The following KCNT2 variants were observed in gnomAD, a reference collection of about 807,000 sequenced individuals.
KCNT2 encodes the protein potassium channel subfamily T member 2.
In KCNT2, 67 loss-of-function variants were observed where a neutral mutation model predicts 153.8. The observed-to-expected ratio is 0.44, with a 90% confidence interval of 0.36 to 0.53. The LOEUF (loss-of-function observed/expected upper bound fraction) is 0.53. Among genes scored for constraint, KCNT2 ranks in the 20% least tolerant of loss-of-function variants. The pLI, the probability that KCNT2 is intolerant of heterozygous loss-of-function variation, is 0.00. For missense variants in KCNT2, 975 were observed against 1,354.8 expected (o/e 0.72, Z 4.40); for synonymous variants, 500 against 458.8 (o/e 1.09, Z -1.15).
chr1:196,519,336 A>G (rs1653037165), intron 1 of KCNT2, among the ~76,000 whole-genome samples: 1 of 152,088 alleles, frequency 6.6e-6, no homozygotes, highest in African/African-American at 2.4e-5. Flanking sequence ...CGCTGATATC[A>G]AAAGTTAGAA....
At chr1:196,520,668 G>T (rs1015471593) in intron 1 of KCNT2, among the ~76,000 whole-genome samples, 2 of 152,000 alleles carry the variant, frequency 1.3e-5, no homozygotes, top group African/African-American at 4.8e-5. Flanking sequence ...TCTGATCTTT[G>T]ACAAAGCTGA....
intron 1 of KCNT2, among the ~76,000 whole-genome samples, chr1:196,500,485 A>C (rs951297449): frequency 6.6e-6 from 1 of 152,194 alleles, no homozygotes; most frequent in Non-Finnish European, 1.5e-5. Flanking sequence ...GAATTCTAGA[A>C]CATTTGTAAA....
At chr1:196,520,031 A>C (rs1411114660) in intron 1 of KCNT2, among the ~76,000 whole-genome samples, 1 of 152,110 alleles carries the variant, frequency 6.6e-6, no homozygotes, top group Non-Finnish European at 1.5e-5. Flanking sequence ...CAATATCCTC[A>C]ATGAACATGT....
Position 196,563,688 on chromosome 1 carries a change from A to G in KCNT2, c.95+44527T>C, listed in dbSNP as rs1251472501. The stretch of plus-strand genomic sequence containing the variant: ...TACCATAACCAAGCGGTATTTATCC[A>G]TTTAACGCAACAATTATTCAACATA... On this transcript the variant is annotated intron_variant, in intron 1 of 27. Coordinates refer to ENST00000294725, the MANE Select transcript of KCNT2 (RefSeq NM_198503.5). 1.1e-4 allele frequency among the ~76,000 whole-genome samples: 17 copies of G among 151,934 alleles called. 1 individual carries two copies. The highest frequency in any genetic ancestry group is 2.9e-5 in the Non-Finnish European group (2 of 67,908).
intron 25 of KCNT2, among the ~76,000 whole-genome samples, chr1:196,263,255 A>G (rs983526149): frequency 3.9e-5 from 6 of 151,982 alleles, no homozygotes; most frequent in Non-Finnish European, 8.8e-5. Context: ...TACATATGCC[A>G]TGATGGTTTT....
intron 13 of KCNT2, among the ~76,000 whole-genome samples, chr1:196,387,174 A>G (rs1467253335): frequency 1.3e-5 from 2 of 152,022 alleles, no homozygotes; most frequent in Non-Finnish European, 2.9e-5. Flanking sequence ...TCTTCTACCT[A>G]CTACTATATA....
chr1:196,498,964 T>C (rs1680464266), intron 1 of KCNT2, among the ~76,000 whole-genome samples: 1 of 152,214 alleles, frequency 6.6e-6, no homozygotes, highest in Admixed American at 6.5e-5. Context: ...TCATTGCAGA[T>C]ATAATTAGTT....
At chr1:196,431,521 T>G (rs1021277850) in intron 8 of KCNT2, among the ~76,000 whole-genome samples, 7 of 152,088 alleles carry the variant, frequency 4.6e-5, no homozygotes, top group African/African-American at 1.7e-4. Context: ...GATGAGTTCT[T>G]AGACAGAAAT....
chr1:196,523,098 C>T (rs770016562), intron 1 of KCNT2, among the ~76,000 whole-genome samples: 2 of 152,318 alleles, frequency 1.3e-5, no homozygotes, highest in African/African-American at 2.4e-5. Context: ...AGGCCTGCAG[C>T]TTCACTCCTG....
At chr1:196,248,495 T>G (rs1298810189) in intron 26 of KCNT2, among the ~76,000 whole-genome samples, 1 of 152,036 alleles carries the variant, frequency 6.6e-6, no homozygotes, top group Non-Finnish European at 1.5e-5. Context: ...CAAAGGATCT[T>G]TTAGAGGCTA....
At chr1:196,539,144 TAAAC>T in intron 1 of KCNT2, among the ~76,000 whole-genome samples, 1 of 152,238 alleles carries the variant, frequency 6.6e-6, no homozygotes, top group Non-Finnish European at 1.5e-5. Context: ...TTATTCATGA[TAAAC>T]TAAGTTCTTT....
intron 14 of KCNT2, among the ~76,000 whole-genome samples, chr1:196,354,475 T>A (rs1462482696): frequency 6.6e-6 from 1 of 151,794 alleles, no homozygotes; most frequent in African/African-American, 2.4e-5. Context: ...TGTCACAAGA[T>A]AACTTTAATA....
chr1:196,393,924 A>G (rs1283617399), intron 13 of KCNT2, among the ~76,000 whole-genome samples: 1 of 151,524 alleles, frequency 6.6e-6, no homozygotes. Flanking sequence ...AGTCATGTCT[A>G]TGGCACGCTG....
intron 22 of KCNT2, among the ~76,000 whole-genome samples, chr1:196,299,795 C>T (rs1661010883): frequency 6.6e-6 from 1 of 152,120 alleles, no homozygotes. Flanking sequence ...GAGGTATCTG[C>T]ACTTTCATGT....
chr1:196,588,558 A>G (rs1480800783), intron 1 of KCNT2, among the ~76,000 whole-genome samples: 1 of 152,034 alleles, frequency 6.6e-6, no homozygotes, highest in Non-Finnish European at 1.5e-5. Context: ...AGTCACTTTT[A>G]TTGTTATTCT....
rs115411071 is a variant in KCNT2 at position 196,502,723 on chromosome 1, C to A, written c.96-10382G>T. Among the ~76,000 whole-genome samples, 646 of 152,002 alleles carry A rather than the reference C, an allele frequency of 4.2e-3. 2 individuals carry two copies. Among genetic ancestry groups the A allele is most frequent in the Non-Finnish European group, 7.3e-3 (495 of 67,948 alleles). On this transcript the variant is annotated intron_variant, in intron 1 of 27. Coordinates refer to ENST00000294725, the MANE Select transcript of KCNT2 (RefSeq NM_198503.5). ...ACTTTTCTATTAAAGTACTCTTTAA[C>A]GCAAAAAAGTATTTCTTTTCAGTTA...
chr1:196,256,096 A>C (rs764187937), intron 26 of KCNT2, among the ~76,000 whole-genome samples: 9 of 151,998 alleles, frequency 5.9e-5, no homozygotes, highest in Non-Finnish European at 1.2e-4. Context: ...CACAAGTATA[A>C]AAATCTTGCC....
At chr1:196,399,885 C>G (rs1024478922) in intron 12 of KCNT2, among the ~76,000 whole-genome samples, 1 of 151,790 alleles carries the variant, frequency 6.6e-6, no homozygotes, top group African/African-American at 2.4e-5. Context: ...ATCTAGGAAC[C>G]AGGAAGCCAG....
intron 16 of KCNT2, among the ~76,000 whole-genome samples, chr1:196,334,675 G>A (rs1187078170): frequency 1.3e-5 from 2 of 151,616 alleles, no homozygotes; most frequent in Non-Finnish European, 2.9e-5. Context: ...TGTATTAAAT[G>A]AATATTTATT....
Sources: allele counts gnomAD v4.1 joint callset (sites outside exome capture counted in the v4.1 genomes callset), GRCh38; gene constraint gnomAD v4.1.1; transcripts MANE v1.5; gene names NCBI Gene and HGNC (gene_info 2026-07-23, HGNC 2026-07-21).